RPL17: variants seen among roughly 807,000 people sequenced by gnomAD.
RPL17 encodes the protein ribosomal protein L17, also known as large ribosomal subunit protein uL22.
A neutral mutation model predicts 27.7 loss-of-function variants in RPL17; 2 were observed. That is an observed-to-expected ratio of 0.07 (90% CI 0.03 to 0.23). RPL17 has a LOEUF of 0.23. Among genes scored for constraint, RPL17 ranks in the 10% least tolerant of loss-of-function variants. The probability of loss-of-function intolerance (pLI) is 1.00; values close to 1 mark genes in which losing one functional copy is unlikely to be tolerated. For synonymous variants in RPL17, 76 were observed against 75.5 expected, an observed-to-expected ratio of 1.01 and a Z score of -0.03; for missense variants, 141 against 238.8, an observed-to-expected ratio of 0.59 and a Z score of 2.70.
At chr18:49,492,000 C>T (rs2084137356) in intron 1 of RPL17, 2 of 355,978 alleles carry the variant, frequency 5.6e-6, no homozygotes, top group Non-Finnish European at 5.5e-6. Flanking sequence ...AGTGCCGTCT[C>T]TCTCAACACC....
intron 3 of RPL17, 40 bp from the exon 4 acceptor site, chr18:49,490,967 G>A (rs759197404): frequency 1.9e-6 from 3 of 1,606,638 alleles, no homozygotes; most frequent in Middle Eastern, 1.7e-4. Context: ...CTAGATCAAA[G>A]CTTTAATTTT....
At chr18:49,489,056 G>A (rs1040889736) in intron 6 of RPL17, 3 of 274,998 alleles carry the variant, frequency 1.1e-5, no homozygotes, top group African/African-American at 2.2e-5. Context: ...CCGCCACCAC[G>A]CCCAGCTAAT....
At chr18:49,490,617 AT>A (rs2083998721) in intron 4 of RPL17, 65 bp from the exon 5 acceptor site, 1 of 1,608,296 alleles carries the variant, frequency 6.2e-7, no homozygotes, top group Admixed American at 1.7e-5. Context: ...GCCAAGATGA[AT>A]TTATCTGATA....
rs2083898812 is a variant in RPL17 at position 49,489,479 on chromosome 18, G to C, written c.387C>G (p.Thr129=). The change falls in exon 6 of 7, where the codon ACC becomes ACG. Residue 129 remains threonine, a synonymous_variant. Coordinates refer to ENST00000580261, the MANE Select transcript of RPL17 (RefSeq NM_001035006.5). ...VNKAPKMRRR[T]YRAHGRINPY... ...GGTTAATCCGACCATGAGCTCTGTA[G>C]GTCCGGCGGCGCATCTTAGGTGCTT... 2 of 1,604,390 alleles carry C rather than the reference G, an allele frequency of 1.2e-6. No individual in the cohort carries two copies. Among genetic ancestry groups the C allele is most frequent in the African/African-American group, 1.3e-5 (1 of 74,926 alleles).
rs1168364132 is a variant in RPL17 at position 49,491,603 on chromosome 18, T to TACG, written c.-13-20_-13-19insCGT. 3.7e-6 allele frequency: 6 copies of TACG among 1,613,896 alleles called. No homozygotes were observed. The highest frequency in any genetic ancestry group is 5.1e-6 in the Non-Finnish European group (6 of 1,179,888). ...AGATCACCTAGAGGAAAGTACAGTGTAATTCTGTCAATACGTACTTACAGT... is the reference window on the plus strand; with the variant it reads ...AGATCACCTAGAGGAAAGTACAGTGTACGAATTCTGTCAATACGTACTTACAGT... On this transcript the variant is annotated intron_variant, in intron 1 of 6. Transcript: ENST00000580261.
At chr18:49,491,812 G>A (rs1487016750) in intron 1 of RPL17, 2 of 741,990 alleles carry the variant, frequency 2.7e-6, no homozygotes, top group Admixed American at 1.7e-5. Context: ...TAGCCACACG[G>A]GCCTCACCAA....
intron 5 of RPL17, 168 bp downstream of exon 5, chr18:49,490,286 C>CA (rs912309162): frequency 7.7e-5 from 57 of 740,322 alleles, no homozygotes; most frequent in African/African-American, 1.8e-4. Context: ...TAAAGGGACT[C>CA]AAAAAAAATA....
At position 49,491,583 on chromosome 18, in the gene RPL17, A is replaced by G. The variant is rs748008236; in HGVS notation, c.-12T>C. 6.2e-7 allele frequency: 1 copy of G among 1,614,216 alleles called. No homozygotes were observed. The highest frequency in any genetic ancestry group is 8.5e-7 in the Non-Finnish European group (1 of 1,180,042). ...GAATAGCGAACCATTTTCACAGATC[A>G]CCTAGAGGAAAGTACAGTGTAATTC... is the stretch of plus-strand genomic sequence containing the variant. On this transcript the variant is annotated splice_region_variant and 5_prime_UTR_variant, in exon 2 of 7. Coordinates refer to ENST00000580261, the MANE Select transcript of RPL17 (RefSeq NM_001035006.5).
intron 6 of RPL17, among the ~76,000 whole-genome samples, 178 bp from the exon 7 acceptor site, chr18:49,488,744 A>C (rs1280001277): frequency 6.6e-6 from 1 of 152,174 alleles, no homozygotes; most frequent in Non-Finnish European, 1.5e-5. Flanking sequence ...GTACAGAATC[A>C]CTCAGGTTCT....
chr18:49,489,597 G>A (rs781187192), intron 5 of RPL17, 47 bp from the exon 6 acceptor site: 5 of 1,570,824 alleles, frequency 3.2e-6, no homozygotes, highest in Non-Finnish European at 4.3e-6. Context: ...TCCTTAATTA[G>A]TAAAACACCA....
chr18:49,491,651 G>A (rs541076270), intron 1 of RPL17, 67 bp from the exon 2 acceptor site: 18 of 1,567,996 alleles, frequency 1.1e-5, no homozygotes, highest in Non-Finnish European at 1.6e-5. Context: ...ATAAATATCA[G>A]ATGATTCGAA....
Position 49,490,439 on chromosome 18 carries a change from T to C in RPL17, c.315+15A>G, listed in dbSNP as rs149217820. On this transcript the variant is annotated intron_variant, in intron 5 of 6. Transcript: ENST00000580261. ...CAACCACCCAAGTTGCACAGGATGTTAGTGGTTTGGGTACCTTAAGTTCAG... is the reference window on the plus strand; with the variant it reads ...CAACCACCCAAGTTGCACAGGATGTCAGTGGTTTGGGTACCTTAAGTTCAG... 6.2e-7 allele frequency: 1 copy of C among 1,613,494 alleles called. No individual in the cohort carries two copies. The highest frequency in any genetic ancestry group is 2.2e-5 in the East Asian group (1 of 44,884).
rs373191288 is a variant in RPL17 at position 49,488,497 on chromosome 18, T to G, written c.*22A>C. 17 of 1,328,118 alleles carry G rather than the reference T, an allele frequency of 1.3e-5. No homozygotes were observed. The highest frequency in any genetic ancestry group is 1.7e-5 in the Non-Finnish European group (16 of 920,112). 82.3% of individuals were successfully genotyped at this position (1,328,118 alleles called of 1,614,324 possible). A position where few individuals can be genotyped will look rare whatever the true frequency, so the allele number is the denominator to read the frequency against. ...CAACCAACATTCTTTTCCTTTTAAT[T>G]ACATTTATTTTAATGCTGAATTTAC... On this transcript the variant is annotated 3_prime_UTR_variant, in exon 7 of 7. Transcript: ENST00000580261.
intron 3 of RPL17, chr18:49,491,136 G>C (rs777066471): frequency 2.2e-6 from 2 of 913,102 alleles, no homozygotes; most frequent in African/African-American, 3.3e-5. Flanking sequence ...ACTATAAAAC[G>C]TTTAAATTCC....
intron 1 of RPL17, 145 bp from the exon 2 acceptor site, chr18:49,491,729 G>T: frequency 9.4e-7 from 1 of 1,064,686 alleles, no homozygotes; most frequent in Non-Finnish European, 1.5e-6. Context: ...CATCATCGCA[G>T]CCATACTTTC....
intron 6 of RPL17, among the ~76,000 whole-genome samples, chr18:49,488,966 T>G (rs971664335): frequency 2.0e-5 from 3 of 151,814 alleles, no homozygotes; most frequent in Non-Finnish European, 2.9e-5. Context: ...TGGCGCGATC[T>G]CGGCTCACTC....
chr18:49,490,587 T>C, intron 4 of RPL17, 35 bp from the exon 5 acceptor site: 1 of 1,613,140 alleles, frequency 6.2e-7, no homozygotes, highest in Non-Finnish European at 8.5e-7. Flanking sequence ...TCATTTTCCT[T>C]GATTTAAATT....
chr18:49,491,363 G>A, intron 3 of RPL17, 42 bp downstream of exon 3: 1 of 1,613,848 alleles, frequency 6.2e-7, no homozygotes, highest in East Asian at 2.2e-5. Flanking sequence ...TTTTTTGAGT[G>A]GAACATGAGG....
intron 3 of RPL17, 198 bp downstream of exon 3, chr18:49,491,207 G>T: frequency 1.0e-6 from 1 of 992,694 alleles, no homozygotes. Context: ...TTTTCAAATG[G>T]TTTTCTGGTA....
Sources: allele counts gnomAD v4.1 joint callset (sites outside exome capture counted in the v4.1 genomes callset), GRCh38; gene constraint gnomAD v4.1.1; transcripts MANE v1.5; gene names NCBI Gene and HGNC (gene_info 2026-07-23, HGNC 2026-07-21).